The following FHOD3 variants were observed in gnomAD, a reference collection of about 807,000 sequenced individuals.
FHOD3 encodes the protein FH1/FH2 domain-containing protein 3.
FHOD3 carries 90 observed loss-of-function variants against 173.0 expected under a neutral mutation model. That is an observed-to-expected ratio of 0.52 (90% confidence interval 0.44 to 0.62). The LOEUF is 0.62. Among genes scored for constraint, FHOD3 ranks in the 20% least tolerant of loss-of-function variants. The probability of loss-of-function intolerance (pLI) is 0.00; values close to 1 mark genes in which losing one functional copy is unlikely to be tolerated. For synonymous variants in FHOD3, 828 were observed against 823.0 expected, an observed-to-expected ratio of 1.01 and a Z score of -0.10; for missense variants, 1,945 against 2,034.7, an observed-to-expected ratio of 0.96 and a Z score of 0.85.
In FHOD3 at chr18:36,560,230, C is replaced by T. The variant is rs527841416; in HGVS notation, c.512-16221C>T. ...CTGTCTGAGGGTAGTTAGTCTGGGC[C>T]TTGCATCTAACCTGCTGGAGCCCAT... On this transcript the variant is annotated intron_variant, in intron 5 of 28. Transcript: ENST00000590592. Among the ~76,000 whole-genome samples, 3 of 152,294 alleles carry T rather than the reference C, an allele frequency of 2.0e-5. No individual in the cohort carries two copies. In the East Asian group the frequency reaches 5.8e-4, roughly 29 times the overall value.
chr18:36,698,552 A>G (rs1366875812), intron 17 of FHOD3, among the ~76,000 whole-genome samples: 1 of 152,200 alleles, frequency 6.6e-6, no homozygotes, highest in Non-Finnish European at 1.5e-5. Flanking sequence ...GTCTCGCCAC[A>G]GCACTACAGC....
At chr18:36,343,115 T>A (rs1176414576) in intron 1 of FHOD3, among the ~76,000 whole-genome samples, 1 of 152,222 alleles carries the variant, frequency 6.6e-6, no homozygotes, top group African/African-American at 2.4e-5. Context: ...TCTGACATTT[T>A]CTTAAAATGT....
chr18:36,377,229 C>T (rs928768770), intron 3 of FHOD3, among the ~76,000 whole-genome samples: 1 of 152,216 alleles, frequency 6.6e-6, no homozygotes, highest in African/African-American at 2.4e-5. Context: ...TCTTCTTCAG[C>T]CTGTGAATCT....
chr18:36,663,331 C>T (rs968694380), intron 14 of FHOD3, among the ~76,000 whole-genome samples: 4 of 152,164 alleles, frequency 2.6e-5, no homozygotes, highest in East Asian at 1.9e-4. Context: ...GTTTATGCAT[C>T]GGTGTGTTCA....
intron 8 of FHOD3, among the ~76,000 whole-genome samples, chr18:36,607,338 A>T (rs2032193579): frequency 6.6e-6 from 1 of 152,194 alleles, no homozygotes; most frequent in Non-Finnish European, 1.5e-5. Flanking sequence ...TGGCCAAAAA[A>T]TCCTGCACCA....
At position 36,397,462 on chromosome 18, in the gene FHOD3, T is replaced by C. The variant is rs190045821; in HGVS notation, c.337+24718T>C. ...GCTTTTGTTTTGCTTTCTGGTTGCTTTTTTAAAGGATGGGTTTTAGATACT... is the reference window on the plus strand; with the variant it reads ...GCTTTTGTTTTGCTTTCTGGTTGCTCTTTTAAAGGATGGGTTTTAGATACT... On this transcript the variant is annotated intron_variant, in intron 3 of 28. Transcript: ENST00000590592. 2.1e-3 allele frequency among the ~76,000 whole-genome samples: 318 copies of C among 152,304 alleles called. 4 individuals carry two copies. Among genetic ancestry groups the C allele is most frequent in the African/African-American group, 7.2e-3 (300 of 41,540 alleles).
intron 3 of FHOD3, among the ~76,000 whole-genome samples, chr18:36,482,886 G>A (rs1382320823): frequency 6.9e-6 from 1 of 145,036 alleles, no homozygotes; most frequent in Non-Finnish European, 1.5e-5. Context: ...GAGAGAGAGA[G>A]AGAGAGAGAA....
chr18:36,581,250 A>AT (rs530838845), intron 6 of FHOD3, among the ~76,000 whole-genome samples: 71 of 152,304 alleles, frequency 4.7e-4, no homozygotes, highest in African/African-American at 1.3e-3. Flanking sequence ...CAGGATGTGG[A>AT]TTTTTTTCTC....
chr18:36,642,735 A>G (rs773912632), intron 10 of FHOD3, among the ~76,000 whole-genome samples: 3 of 152,164 alleles, frequency 2.0e-5, no homozygotes, highest in Non-Finnish European at 4.4e-5. Flanking sequence ...AATATAATAG[A>G]ACATCAAGGA....
At chr18:36,485,414 T>A (rs2054142388) in intron 3 of FHOD3, among the ~76,000 whole-genome samples, 1 of 152,180 alleles carries the variant, frequency 6.6e-6, no homozygotes, top group Non-Finnish European at 1.5e-5. Context: ...GTGAGCATGG[T>A]GTGCCAGCAA....
At chr18:36,731,299 G>A (rs575567333) in intron 20 of FHOD3, among the ~76,000 whole-genome samples, 1 of 152,270 alleles carries the variant, frequency 6.6e-6, no homozygotes, top group Non-Finnish European at 1.5e-5. Flanking sequence ...TCACAAAGTA[G>A]AGAGACACTG....
At chr18:36,454,050 C>A (rs1431030570) in intron 3 of FHOD3, among the ~76,000 whole-genome samples, 1 of 152,042 alleles carries the variant, frequency 6.6e-6, no homozygotes, top group Non-Finnish European at 1.5e-5. Context: ...TTTATTCTTC[C>A]CCACCACATT....
intron 3 of FHOD3, among the ~76,000 whole-genome samples, chr18:36,472,261 T>C (rs2053325806): frequency 6.6e-6 from 1 of 152,212 alleles, no homozygotes; most frequent in Admixed American, 6.5e-5. Context: ...AGGAAGCCTG[T>C]TAGGGTAATG....
chr18:36,373,931 C>T (rs1390390409), intron 3 of FHOD3, among the ~76,000 whole-genome samples: 1 of 152,198 alleles, frequency 6.6e-6, no homozygotes, highest in Non-Finnish European at 1.5e-5. Context: ...TAAACTTCCC[C>T]CTTACCCTCA....
chr18:36,565,334 G>A (rs2058226177), intron 5 of FHOD3, among the ~76,000 whole-genome samples: 1 of 152,164 alleles, frequency 6.6e-6, no homozygotes, highest in Non-Finnish European at 1.5e-5. Context: ...GATAAGGGGT[G>A]AGTGATACTA....
intron 21 of FHOD3, among the ~76,000 whole-genome samples, chr18:36,741,704 A>G (rs2041910684): frequency 6.6e-6 from 1 of 152,036 alleles, no homozygotes; most frequent in Admixed American, 6.6e-5. Context: ...CCAGGAGTTC[A>G]AGGCTGCAGT....
intron 3 of FHOD3, among the ~76,000 whole-genome samples, chr18:36,437,021 A>G (rs572280009): frequency 3.3e-5 from 5 of 152,354 alleles, no homozygotes; most frequent in African/African-American, 4.8e-5. Context: ...AGATAAGTTA[A>G]CAAGCAAAAG....
At chr18:36,396,170 T>C (rs947087780) in intron 3 of FHOD3, among the ~76,000 whole-genome samples, 3 of 152,196 alleles carry the variant, frequency 2.0e-5, no homozygotes, top group African/African-American at 7.2e-5. Flanking sequence ...GCCTAAAAGA[T>C]TTATTTTTTT....
intron 10 of FHOD3, among the ~76,000 whole-genome samples, chr18:36,636,512 C>G (rs994558692): frequency 6.6e-6 from 1 of 152,126 alleles, no homozygotes; most frequent in East Asian, 1.9e-4. Flanking sequence ...TCTGTGTAGC[C>G]TAAATGCCTT....
Sources: gnomAD v4.1 joint callset for allele counts (sites outside exome capture counted in the v4.1 genomes callset) on GRCh38, gnomAD v4.1.1 for gene constraint, MANE v1.5 for transcripts, NCBI Gene and HGNC (gene_info 2026-07-23, HGNC 2026-07-21) for gene names.